BRWD3: variants seen among roughly 807,000 people sequenced by gnomAD.
BRWD3 encodes the protein bromodomain and WD repeat-containing protein 3.
A neutral mutation model predicts 149.7 loss-of-function variants in BRWD3; 10 were observed. The ratio of observed to expected loss-of-function variants is 0.07; its 90% CI spans 0.04 to 0.11. The LOEUF is 0.11. BRWD3 is among the 10% of genes least tolerant of loss of function. The pLI is 1.00. For missense variants in BRWD3, 940 were observed against 1,373.2 expected, an observed-to-expected ratio of 0.68 and a Z score of 4.99; for synonymous variants, 504 against 456.7, an observed-to-expected ratio of 1.10 and a Z score of -1.32.
At chrX:80,778,449 A>G (rs912621600) in intron 6 of BRWD3, among the ~76,000 whole-genome samples, 3 of 111,757 alleles carry the variant, frequency 2.7e-5, no homozygotes, top group African/African-American at 9.8e-5. Flanking sequence ...ATTAAGACTG[A>G]ATCAAAAATA....
Position 80,793,680 on chromosome X carries a change from A to G in BRWD3, c.273T>C (p.Val91=). 8.3e-7 allele frequency: 1 copy of G among 1,209,448 alleles called. No homozygotes were observed. The highest frequency in any genetic ancestry group is 3.0e-5 in the East Asian group (1 of 33,835). ...CACCTAATAATGTCTGTACCCCAGG[A>G]ACACTCTGAGGGATCTCTTTATCTA... The part of the protein sequence containing the change: ...PLLDKEIPQS[V]PGVQTLLGVG... Residue 91 remains valine, a synonymous_variant, in exon 5 of 41, where the codon GTT becomes GTC. Coordinates refer to ENST00000373275, the MANE Select transcript of BRWD3 (RefSeq NM_153252.5).
chrX:80,682,067 C>T lies in BRWD3; in HGVS notation c.4425G>A (p.Lys1475=). The T allele has an allele frequency of 8.3e-7, 1 of 1,208,913 alleles. No homozygotes were observed. The highest frequency in any genetic ancestry group is 1.1e-6 in the Non-Finnish European group (1 of 893,799). The change falls in exon 39 of 41, where the codon AAG becomes AAA. Residue 1475 remains lysine (K), a synonymous_variant. Transcript: ENST00000373275. ...PSPKGKQKQM[K]LQPKNDQNTS... Reference sequence around the variant, plus strand: ...TATTCTGGTCATTTTTAGGCTGCAACTTCATTTGTTTCTGCTTCCCTTTTG... The same window carrying T: ...TATTCTGGTCATTTTTAGGCTGCAATTTCATTTGTTTCTGCTTCCCTTTTG...
chrX:80,689,136 G>A (rs769336351), intron 33 of BRWD3, among the ~76,000 whole-genome samples: 1 of 111,274 alleles, frequency 9.0e-6, no homozygotes, highest in African/African-American at 3.3e-5. Context: ...TTCCAGTAAA[G>A]ATTTGTGAAT....
At chrX:80,794,379 C>T (rs759514806) in intron 4 of BRWD3, among the ~76,000 whole-genome samples, 1 of 107,587 alleles carries the variant, frequency 9.3e-6, no homozygotes, top group African/African-American at 3.4e-5. Context: ...GGTGGCTGCA[C>T]CTCTAATCTC....
intron 6 of BRWD3, among the ~76,000 whole-genome samples, chrX:80,753,349 A>C (rs1465718671): frequency 1.0e-4 from 11 of 104,902 alleles, no homozygotes; most frequent in Non-Finnish European, 1.2e-4. Context: ...GGCTCACTGC[A>C]ACCTCTACCT....
At chrX:80,808,144 T>C (rs1163328029) in intron 4 of BRWD3, among the ~76,000 whole-genome samples, 1 of 99,199 alleles carries the variant, frequency 1.0e-5, no homozygotes. Context: ...ACCAGTTTTC[T>C]TCCACTAATC....
chrX:80,725,789 G>A (rs929561150), intron 14 of BRWD3, among the ~76,000 whole-genome samples: 16 of 82,825 alleles, frequency 1.9e-4, no homozygotes, highest in Non-Finnish European at 3.2e-4. Context: ...CCTATATAAC[G>A]TATAACATGT....
At chrX:80,682,927 T>C (rs1263334020) in intron 37 of BRWD3, among the ~76,000 whole-genome samples, 1 of 111,905 alleles carries the variant, frequency 8.9e-6, no homozygotes, top group East Asian at 2.8e-4. Context: ...ACCTTAAAGA[T>C]ACACACATCC....
intron 6 of BRWD3, among the ~76,000 whole-genome samples, chrX:80,747,469 AG>A (rs1219480645): frequency 9.5e-6 from 1 of 105,372 alleles, no homozygotes; most frequent in African/African-American, 3.6e-5. Flanking sequence ...CACTGCTTGC[AG>A]TATAAAAGCA....
chrX:80,743,376 G>C (rs2073545779), intron 8 of BRWD3, among the ~76,000 whole-genome samples: 2 of 111,443 alleles, frequency 1.8e-5, no homozygotes, highest in Non-Finnish European at 3.8e-5. Flanking sequence ...TTATGTCTCT[G>C]ACAGGCTTTG....
intron 6 of BRWD3, among the ~76,000 whole-genome samples, chrX:80,773,396 G>T (rs1338673714): frequency 9.0e-6 from 1 of 111,014 alleles, no homozygotes; most frequent in African/African-American, 3.3e-5. Context: ...ATTCTTGGAG[G>T]CATAGGCTAA....
At chrX:80,787,118 CTA>C (rs993674440) in intron 6 of BRWD3, among the ~76,000 whole-genome samples, 2 of 110,842 alleles carry the variant, frequency 1.8e-5, no homozygotes, top group Non-Finnish European at 3.8e-5. Context: ...CAAATTAAAA[CTA>C]TATAAAAACC....
intron 6 of BRWD3, among the ~76,000 whole-genome samples, chrX:80,751,911 T>A (rs2073672496): frequency 9.0e-6 from 1 of 110,661 alleles, no homozygotes; most frequent in South Asian, 3.8e-4. Flanking sequence ...TCATTTTTTT[T>A]ATGGCTGAAT....
chrX:80,806,912 TA>T (rs2147873170), intron 4 of BRWD3, among the ~76,000 whole-genome samples: 1 of 112,412 alleles, frequency 8.9e-6, no homozygotes, highest in Non-Finnish European at 1.9e-5. Context: ...ATTTTTTAAT[TA>T]CTTTGATTTT....
chrX:80,794,921 C>T (rs1212346670), intron 4 of BRWD3, among the ~76,000 whole-genome samples: 1 of 111,455 alleles, frequency 9.0e-6, no homozygotes. Context: ...AAAGGTATTA[C>T]TTGCACCAAA....
At chrX:80,802,438 A>G (rs2074308112) in intron 4 of BRWD3, among the ~76,000 whole-genome samples, 1 of 74,373 alleles carries the variant, frequency 1.3e-5, no homozygotes, top group African/African-American at 5.4e-5. Context: ...CAAGACTCTC[A>G]TCTTAAAAAA....
chrX:80,809,333 G>C, intron 1 of BRWD3, 29 bp from the exon 2 acceptor site: 1 of 1,170,701 alleles, frequency 8.5e-7, no homozygotes, highest in Non-Finnish European at 1.2e-6. Flanking sequence ...AAGAGGTTCA[G>C]AGGGAGGTAG....
chrX:80,730,901 A>G (rs761899883), intron 12 of BRWD3, among the ~76,000 whole-genome samples: 2 of 111,934 alleles, frequency 1.8e-5, no homozygotes, highest in East Asian at 5.6e-4. Context: ...TATCACTTTT[A>G]ATAAGTGTTC....
intron 6 of BRWD3, among the ~76,000 whole-genome samples, chrX:80,751,802 G>T (rs2073670939): frequency 9.1e-6 from 1 of 110,137 alleles, no homozygotes; most frequent in Admixed American, 9.8e-5. Context: ...CCACTTATGA[G>T]TTCATGAGAA....
Sources: allele counts gnomAD v4.1 joint callset (sites outside exome capture counted in the v4.1 genomes callset), GRCh38; gene constraint gnomAD v4.1.1; transcripts MANE v1.5; gene names NCBI Gene and HGNC (gene_info 2026-07-23, HGNC 2026-07-21).